Variants in ICAM2 observed in about 807,000 individuals in gnomAD.
ICAM2 encodes ICAM-2.
Under a neutral mutation model 19.1 loss-of-function variants are expected in ICAM2, and 14 were observed. That is an observed-to-expected ratio of 0.73 (90% CI 0.48 to 1.15). ICAM2 has a LOEUF of 1.15. ICAM2 is among the 50% of genes most tolerant of loss of function. The pLI is 0.00. For synonymous variants in ICAM2, 153 were observed against 152.7 expected (o/e 1.00, Z -0.01); for missense variants, 311 against 355.4 (o/e 0.88, Z 1.00).
Position 64,019,397 on chromosome 17 carries a change from G to GTAAATAAA in ICAM2, c.-45+1118_-45+1125dup, listed in dbSNP as rs55764211. Among the ~76,000 whole-genome samples the GTAAATAAA allele has an allele frequency of 3.9e-3, 576 of 148,866 alleles. 2 individuals are homozygous for GTAAATAAA. Among genetic ancestry groups the GTAAATAAA allele is most frequent in the African/African-American group, 7.1e-3 (288 of 40,466 alleles). ...GGAAATATAGTGTGACCCCATCTCA[G>GTAAATAAA]TAAATAAATAAATAAATAAATAAAT... On this transcript the variant is annotated intron_variant, in intron 1 of 4. Transcript: ENST00000579788.
At chr17:64,011,033 T>A (rs1305134165) in intron 1 of ICAM2, among the ~76,000 whole-genome samples, 1 of 152,136 alleles carries the variant, frequency 6.6e-6, no homozygotes, top group African/African-American at 2.4e-5. Flanking sequence ...AAAAACACAA[T>A]TTTAAAATGG....
chr17:64,006,559 C>T (rs1911218334), intron 2 of ICAM2, 72 bp downstream of exon 2: 2 of 1,344,204 alleles, frequency 1.5e-6, no homozygotes, highest in Non-Finnish European at 2.1e-6. Context: ...CACCTGAAGC[C>T]ACAGGGAACA....
chr17:64,007,495 C>T (rs3760236), intron 1 of ICAM2, among the ~76,000 whole-genome samples: 1 of 152,170 alleles, frequency 6.6e-6, no homozygotes, highest in Non-Finnish European at 1.5e-5. Flanking sequence ...CTCCTGACCT[C>T]AGGTGATCTG....
At chr17:64,019,054 C>G (rs757022982) in intron 1 of ICAM2, among the ~76,000 whole-genome samples, 8 of 152,134 alleles carry the variant, frequency 5.3e-5, no homozygotes, top group Non-Finnish European at 1.0e-4. Context: ...TTGAGCAAAT[C>G]ACTTAATCTT....
At chr17:64,009,856 C>T (rs1911376710) in intron 1 of ICAM2, among the ~76,000 whole-genome samples, 1 of 152,160 alleles carries the variant, frequency 6.6e-6, no homozygotes, top group South Asian at 2.1e-4. Flanking sequence ...TCAGGTCCTG[C>T]ATACCAGTGA....
chr17:64,008,980 C>G (rs1162071092), intron 1 of ICAM2, among the ~76,000 whole-genome samples: 3 of 152,228 alleles, frequency 2.0e-5, no homozygotes, highest in East Asian at 3.8e-4. Context: ...TGTCTCCCAT[C>G]CTTCCTGGGC....
Position 64,006,671 on chromosome 17 carries a change from C to A in ICAM2, c.21G>T (p.Arg7Ser), listed in dbSNP as rs767442341. 1 of 1,614,168 alleles carries A rather than the reference C, an allele frequency of 6.2e-7. No homozygotes were observed. Among genetic ancestry groups the A allele is most frequent in the South Asian group, 1.1e-5 (1 of 91,076 alleles). MSSFGY[R>S]TLTVALFTLI... ...GGGTGAAGAGGGCCACAGTCAGGGTCCTGTAACCGAAAGAGGACATCTCTG... is the reference window on the plus strand; with the variant it reads ...GGGTGAAGAGGGCCACAGTCAGGGTACTGTAACCGAAAGAGGACATCTCTG... The change falls in exon 2 of 5, where the codon AGG becomes AGT. Residue 7 changes from arginine (R) to serine (S), a missense_variant. By Grantham distance (110) the Arg-to-Ser change is moderately radical. Transcript: ENST00000579788.
intron 1 of ICAM2, 81 bp from the exon 2 acceptor site, chr17:64,006,816 T>C: frequency 1.2e-6 from 1 of 810,856 alleles, no homozygotes. Flanking sequence ...GCATTTCCTC[T>C]CATTATCTGA....
intron 2 of ICAM2, 114 bp from the exon 3 acceptor site, chr17:64,005,487 A>T (rs1193416540): frequency 8.4e-7 from 1 of 1,195,098 alleles, no homozygotes; most frequent in African/African-American, 1.5e-5. Context: ...AGGAAAGGTC[A>T]TTGGGGACCC....
intron 1 of ICAM2, among the ~76,000 whole-genome samples, chr17:64,014,738 AAAG>A (rs1911650571): frequency 8.7e-6 from 1 of 115,532 alleles, no homozygotes; most frequent in African/African-American, 3.4e-5. Flanking sequence ...AGAAAGAAAG[AAAG>A]AAAGAAAGAA....
At chr17:64,012,176 A>G (rs1911480578) in intron 1 of ICAM2, among the ~76,000 whole-genome samples, 1 of 152,222 alleles carries the variant, frequency 6.6e-6, no homozygotes, top group East Asian at 1.9e-4. Flanking sequence ...AGAAAGGCAA[A>G]TACTGGCCAG....
intron 1 of ICAM2, among the ~76,000 whole-genome samples, chr17:64,011,411 G>A (rs1200832276): frequency 6.6e-6 from 1 of 151,986 alleles, no homozygotes; most frequent in Non-Finnish European, 1.5e-5. Flanking sequence ...GCGGTGAGCC[G>A]AGATCGCGCC....
In ICAM2 at chr17:64,005,344, C is replaced by T. The variant is rs780956757; in HGVS notation, c.91G>A (p.Val31Met). The T allele has an allele frequency of 3.0e-5, 49 of 1,614,040 alleles. No homozygotes were observed. The highest frequency in any genetic ancestry group is 1.0e-4 in the Admixed American group (6 of 60,022). ...GSDEKVFEVH[V>M]RPKKLAVEPK... ...TCAACCGCCAGCTTCTTTGGCCTCA[C>T]GTGTACCTCGAATACCTTCTCATCC... is the stretch of plus-strand genomic sequence containing the variant. Residue 31 changes from valine to methionine, a missense_variant, in exon 3 of 5, where the codon GTG becomes ATG. Physicochemically the swap from Val to Met is conservative, Grantham distance 21. Coordinates refer to ENST00000579788, the MANE Select transcript of ICAM2 (RefSeq NM_001099789.2).
In ICAM2 at chr17:64,002,913, T is replaced by C. The variant is rs759286465; in HGVS notation, c.662A>G (p.Asp221Gly). The C allele has an allele frequency of 4.3e-6, 7 of 1,613,168 alleles. No individual in the cohort carries two copies. The highest frequency in any genetic ancestry group is 5.9e-6 in the Non-Finnish European group (7 of 1,179,660). ...KMLEIYEPVSDSQMVIIVTVV... is the reference protein window; with the variant it reads ...KMLEIYEPVSGSQMVIIVTVV... ...CGTGACTATGATGACCATCTGGCTG[T>C]CCGACACAGGCTCTGGGGAGGGAGG... The change falls in exon 5 of 5, where the codon GAC (aspartate) becomes GGC (glycine). Residue 221 changes from aspartate to glycine, a missense_variant. Physicochemically the swap from Asp to Gly is moderately conservative, Grantham distance 94. Coordinates refer to ENST00000579788, the MANE Select transcript of ICAM2 (RefSeq NM_001099789.2).
intron 1 of ICAM2, among the ~76,000 whole-genome samples, chr17:64,010,415 A>G (rs1911402986): frequency 1.3e-5 from 2 of 152,100 alleles, no homozygotes; most frequent in African/African-American, 4.8e-5. Flanking sequence ...AACGTGAGAG[A>G]ATTTTTGAGG....
rs1911113985 is a variant in ICAM2, at chr17:64,005,096, C to T, written c.328+11G>A. ...CAGGGGAGAGGAGGGCCCCGCAGCACAGCCACTCACGGTACACGCTGACGT... is the reference window on the plus strand; with the variant it reads ...CAGGGGAGAGGAGGGCCCCGCAGCATAGCCACTCACGGTACACGCTGACGT... On this transcript the variant is annotated intron_variant, in intron 3 of 4. Transcript: ENST00000579788. 2.5e-6 allele frequency: 4 copies of T among 1,613,966 alleles called. No individual in the cohort carries two copies. Among genetic ancestry groups the T allele is most frequent in the Non-Finnish European group, 2.5e-6 (3 of 1,179,980 alleles).
At chr17:64,007,514 G>A (rs1911268496) in intron 1 of ICAM2, among the ~76,000 whole-genome samples, 1 of 151,986 alleles carries the variant, frequency 6.6e-6, no homozygotes. Flanking sequence ...TGCCTGCCTT[G>A]GCCTCCCAAA....
At position 64,003,946 on chromosome 17, in the gene ICAM2, A is replaced by G. The variant is rs1209595231; in HGVS notation, c.347T>C (p.Ile116Thr). Residue 116 changes from isoleucine (I) to threonine (T), a missense_variant, in exon 4 of 5, where the codon ATC (isoleucine) becomes ACC (threonine). Transcript: ENST00000579788. The stretch of plus-strand genomic sequence containing the variant: ...CACCAAAGTGGGTTGCAGTGTCAGG[A>G]TGACCTGCCTTGGAGGCTCTGCAGG... ...VSVYQPPRQV[I>T]LTLQPTLVAV... is the part of the protein sequence containing the mutation. The G allele has an allele frequency of 2.9e-5, 46 of 1,612,936 alleles. No individual in the cohort carries two copies. Among genetic ancestry groups the G allele is most frequent in the Non-Finnish European group, 3.7e-5 (44 of 1,179,572 alleles).
chr17:64,003,663 CG>C lies in ICAM2; in HGVS notation c.629del (p.Pro210ArgfsTer18). On this transcript the variant is annotated frameshift_variant, in exon 4 of 5. Transcript: ENST00000579788. LOFTEE classifies it low-confidence loss of function (END_TRUNC). The part of the protein sequence containing the change: ...GGNIFHKHSA[P>X]KMLEIYEPVS... ...CCTCACCATAGATCTCCAACATCTT[CG>C]GGGCTGAGTGTTTGTGAAAGATGTT... The C allele has an allele frequency of 1.2e-6, 2 of 1,613,728 alleles. No individual in the cohort carries two copies. The highest frequency in any genetic ancestry group is 1.7e-6 in the Non-Finnish European group (2 of 1,179,788).
Sources: gnomAD v4.1 joint callset for allele counts (sites outside exome capture counted in the v4.1 genomes callset) on GRCh38, gnomAD v4.1.1 for gene constraint, MANE v1.5 for transcripts, NCBI Gene and HGNC (gene_info 2026-07-23, HGNC 2026-07-21) for gene names.